SH3KBP1: variants seen among roughly 807,000 people sequenced by gnomAD.
SH3KBP1 encodes the protein SH3 domain-containing kinase-binding protein 1.
SH3KBP1 carries 8 observed loss-of-function variants against 50.1 expected under a neutral mutation model. The ratio of observed to expected loss-of-function variants is 0.16; its 90% CI spans 0.09 to 0.29. The LOEUF (loss-of-function observed/expected upper bound fraction) is 0.29, where lower values mean the gene tolerates loss of function less well. Among genes scored for constraint, SH3KBP1 ranks in the 10% least tolerant of loss-of-function variants. The pLI is 1.00. For synonymous variants in SH3KBP1, 227 were observed against 218.6 expected, an observed-to-expected ratio of 1.04 and a Z score of -0.34; for missense variants, 377 against 535.2, an observed-to-expected ratio of 0.70 and a Z score of 2.92.
intron 2 of SH3KBP1, among the ~76,000 whole-genome samples, chrX:19,774,915 C>G (rs1423700806): frequency 1.8e-5 from 2 of 110,779 alleles, no homozygotes; most frequent in Non-Finnish European, 3.8e-5. Context: ...AAGCTAGACC[C>G]CCACACCTGG....
chrX:19,568,893 G>C lies in SH3KBP1; in HGVS notation c.1384+210C>G, dbSNP rs772039783. 2.7e-4 allele frequency among the ~76,000 whole-genome samples: 30 copies of C among 112,603 alleles called. No individual in the cohort carries two copies. In the East Asian group the frequency reaches 7.8e-3, roughly 29 times the overall value. On this transcript the variant is annotated intron_variant, in intron 13 of 17. Transcript: ENST00000397821. ...GATCTTGTAAGGAATTTCTCCTAGG[G>C]AGGGGAAAGGTCCCAGGCATTGTGT...
intron 8 of SH3KBP1, among the ~76,000 whole-genome samples, chrX:19,613,190 T>C (rs1325814188): frequency 1.8e-5 from 2 of 112,247 alleles, no homozygotes; most frequent in South Asian, 3.7e-4. Context: ...AGCTGACCAC[T>C]GAGGAGAGAG....
intron 1 of SH3KBP1, among the ~76,000 whole-genome samples, chrX:19,882,291 T>C (rs1424043228): frequency 6.3e-5 from 7 of 110,403 alleles, no homozygotes; most frequent in Admixed American, 2.9e-4. Flanking sequence ...AAGCCCAGGA[T>C]GTGTGAATAT....
chrX:19,778,335 G>A (rs750985389), intron 2 of SH3KBP1, among the ~76,000 whole-genome samples: 17 of 107,102 alleles, frequency 1.6e-4, no homozygotes, highest in Non-Finnish European at 3.3e-4. Context: ...GGAGGCTGAG[G>A]CAGGAGAATT....
intron 1 of SH3KBP1, among the ~76,000 whole-genome samples, chrX:19,863,204 T>C (rs1280333489): frequency 1.8e-5 from 2 of 109,614 alleles, no homozygotes; most frequent in Non-Finnish European, 3.8e-5. Context: ...TGTGCTCTCT[T>C]TTTTTTTTAA....
rs750557442 is a variant in SH3KBP1 at position 19,795,313 on chromosome X, A to G, written c.162+40812T>C. On this transcript the variant is annotated intron_variant, in intron 2 of 17. Coordinates refer to ENST00000397821, the MANE Select transcript of SH3KBP1 (RefSeq NM_031892.3). ...TCTAAAAGTCAACACTCACCATGAG[A>G]GGTAGATATTCCTTATTTTACAGAG... 2.7e-5 allele frequency among the ~76,000 whole-genome samples: 3 copies of G among 112,317 alleles called. No individual in the cohort carries two copies. In the South Asian group the frequency reaches 1.1e-3, roughly 41 times the overall value.
chrX:19,753,080 G>C (rs1443365083), intron 2 of SH3KBP1, among the ~76,000 whole-genome samples: 4 of 111,976 alleles, frequency 3.6e-5, no homozygotes, highest in African/African-American at 1.3e-4. Context: ...GAGCAGGCTG[G>C]TGCCACGGAC....
chrX:19,836,616 T>C (rs887836586), intron 1 of SH3KBP1, among the ~76,000 whole-genome samples: 2 of 111,498 alleles, frequency 1.8e-5, no homozygotes, highest in East Asian at 5.6e-4. Context: ...GAGCTCAGAG[T>C]ACAGACAACA....
chrX:19,555,953 C>G (rs1262142690), intron 13 of SH3KBP1, among the ~76,000 whole-genome samples: 4 of 112,098 alleles, frequency 3.6e-5, no homozygotes, highest in Non-Finnish European at 7.5e-5. Context: ...TTCCTGTTGA[C>G]TTCTCTGCCT....
chrX:19,795,834 T>C (rs1218752988), intron 2 of SH3KBP1, among the ~76,000 whole-genome samples: 2 of 112,177 alleles, frequency 1.8e-5, no homozygotes, highest in East Asian at 2.8e-4. Flanking sequence ...GTTTAGTTTG[T>C]AAAAATTCAA....
chrX:19,583,413 C>T (rs906025202), intron 12 of SH3KBP1, among the ~76,000 whole-genome samples: 6 of 110,900 alleles, frequency 5.4e-5, no homozygotes, highest in Non-Finnish European at 9.4e-5. Context: ...CCTAGGCCTC[C>T]CAAAGTGCTG....
At chrX:19,828,094 A>G (rs1322780966) in intron 2 of SH3KBP1, among the ~76,000 whole-genome samples, 1 of 111,230 alleles carries the variant, frequency 9.0e-6, no homozygotes, top group East Asian at 2.8e-4. Context: ...ACAATCCTAT[A>G]AAAGTCAGAA....
chrX:19,623,016 C>T (rs1321052831), intron 8 of SH3KBP1, among the ~76,000 whole-genome samples: 6 of 93,731 alleles, frequency 6.4e-5, no homozygotes, highest in Non-Finnish European at 1.2e-4. Flanking sequence ...GCACTCAAGC[C>T]TGGGCAAAAG....
intron 9 of SH3KBP1, among the ~76,000 whole-genome samples, chrX:19,596,294 T>C (rs779080689): frequency 8.9e-6 from 1 of 112,456 alleles, no homozygotes; most frequent in South Asian, 3.7e-4. Flanking sequence ...GTTATGTTTA[T>C]GCTCTACTGT....
intron 1 of SH3KBP1, among the ~76,000 whole-genome samples, chrX:19,852,353 A>C (rs1204049750): frequency 9.0e-6 from 1 of 111,251 alleles, no homozygotes; most frequent in African/African-American, 3.3e-5. Context: ...CGCCCTGTAC[A>C]AATGCTTGAC....
intron 2 of SH3KBP1, chrX:19,799,846 C>G: frequency 9.7e-7 from 1 of 1,026,209 alleles, no homozygotes; most frequent in Non-Finnish European, 1.3e-6. Context: ...CCACTACACA[C>G]TCACACTGGT....
intron 1 of SH3KBP1, among the ~76,000 whole-genome samples, chrX:19,885,912 C>T (rs1460690541): frequency 3.6e-5 from 4 of 111,417 alleles, no homozygotes; most frequent in Non-Finnish European, 7.5e-5. Flanking sequence ...TGCTCTGTGC[C>T]ACACACCAAA....
rs142771603 is a variant in SH3KBP1 at position 19,683,596 on chromosome X, C to A, written c.726+227G>T. Among the ~76,000 whole-genome samples the A allele has an allele frequency of 0.01, 1,110 of 110,830 alleles. 16 individuals are homozygous for A. Among genetic ancestry groups the A allele is most frequent in the African/African-American group, 0.034 (1,023 of 30,369 alleles). ...TCCAAAGTCATCCTGAGAAGCATTC[C>A]CTAGAGAGATCAGCAAGAAAGAAAG... is the stretch of plus-strand genomic sequence containing the variant. On this transcript the variant is annotated intron_variant, in intron 6 of 17. Transcript: ENST00000397821.
At chrX:19,691,498 A>T (rs1356364129) in intron 5 of SH3KBP1, among the ~76,000 whole-genome samples, 1 of 106,701 alleles carries the variant, frequency 9.4e-6, no homozygotes, top group Non-Finnish European at 1.9e-5. Context: ...AGATCTAATG[A>T]TCAATTTATA....
Sources: allele counts gnomAD v4.1 joint callset (sites outside exome capture counted in the v4.1 genomes callset), GRCh38; gene constraint gnomAD v4.1.1; transcripts MANE v1.5; gene names NCBI Gene and HGNC (gene_info 2026-07-23, HGNC 2026-07-21).